The following NCKAP5 variants were observed in gnomAD, a reference collection of about 807,000 sequenced individuals.
NCKAP5 encodes the protein NCK associated protein 5.
In NCKAP5, 92 loss-of-function variants were observed where a neutral mutation model predicts 167.0. That is an observed-to-expected ratio of 0.55 (90% confidence interval 0.47 to 0.66). The LOEUF is 0.66. Among genes scored for constraint, NCKAP5 ranks in the 30% least tolerant of loss-of-function variants. NCKAP5 has a pLI of 0.00. For missense variants in NCKAP5, 2,378 were observed against 2,315.0 expected, an observed-to-expected ratio of 1.03 and a Z score of -0.56; for synonymous variants, 891 against 877.4, an observed-to-expected ratio of 1.02 and a Z score of -0.27.
At chr2:132,696,219 T>G (rs1340359172) in intron 19 of NCKAP5, among the ~76,000 whole-genome samples, 22 of 152,390 alleles carry the variant, frequency 1.4e-4, no homozygotes, top group Non-Finnish European at 1.2e-4. Flanking sequence ...GCTTCTATTT[T>G]GCAGTAAGCA....
At chr2:132,792,893 G>A (rs1684184888) in intron 12 of NCKAP5, among the ~76,000 whole-genome samples, 1 of 152,162 alleles carries the variant, frequency 6.6e-6, no homozygotes, top group Admixed American at 6.5e-5. Flanking sequence ...TTTACCTCCT[G>A]TATAGATGTT....
At chr2:133,635,717 T>G in the NCKAP5 span, among the ~76,000 whole-genome samples, 5 of 152,206 alleles carry the variant, frequency 3.3e-5, no homozygotes, top group African/African-American at 1.2e-4. Context: ...TACAGTCTTG[T>G]GTTCAGAATT....
intron 6 of NCKAP5, among the ~76,000 whole-genome samples, chr2:133,073,204 A>G (rs1466241866): frequency 2.6e-5 from 4 of 152,170 alleles, no homozygotes; most frequent in South Asian, 2.1e-4. Context: ...GGGTGTCTGT[A>G]GGCTAGAGTA....
chr2:133,604,719 A>T, the NCKAP5 span, among the ~76,000 whole-genome samples: 3 of 152,152 alleles, frequency 2.0e-5, no homozygotes, highest in Non-Finnish European at 4.4e-5. Context: ...AGATGGGCTG[A>T]TGGTAACAGC....
intron 11 of NCKAP5, among the ~76,000 whole-genome samples, chr2:132,827,919 C>G (rs1438905787): frequency 1.3e-5 from 2 of 152,142 alleles, no homozygotes; most frequent in African/African-American, 4.8e-5. Flanking sequence ...TGACCCTATA[C>G]CTGCTGGTAG....
intron 6 of NCKAP5, among the ~76,000 whole-genome samples, chr2:133,102,784 C>T (rs1202189265): frequency 6.7e-6 from 1 of 149,308 alleles, no homozygotes; most frequent in Non-Finnish European, 1.5e-5. Flanking sequence ...CACACACACA[C>T]ACACACTGTA....
Position 132,748,873 on chromosome 2 carries a change from T to G in NCKAP5, c.5129-16822A>C, listed in dbSNP as rs530248812. 2.0e-3 allele frequency among the ~76,000 whole-genome samples: 311 copies of G among 152,112 alleles called. 1 individual carries two copies. The highest frequency in any genetic ancestry group is 3.6e-3 in the Non-Finnish European group (243 of 67,988). ...ATCTTGGTTCACTGCAACCTCCGTC[T>G]CCTGGGTTCAAGCAATTCTCCTGTC... On this transcript the variant is annotated intron_variant, in intron 16 of 19. Coordinates refer to ENST00000409261, the MANE Select transcript of NCKAP5 (RefSeq NM_207363.3).
the NCKAP5 span, among the ~76,000 whole-genome samples, chr2:133,574,837 G>A: frequency 2.0e-5 from 3 of 152,080 alleles, no homozygotes; most frequent in East Asian, 5.8e-4. Context: ...CAACAGAAAT[G>A]GCAGAAATTG....
At chr2:133,391,689 C>T (rs1027721533) in intron 3 of NCKAP5, among the ~76,000 whole-genome samples, 2 of 152,154 alleles carry the variant, frequency 1.3e-5, no homozygotes, top group African/African-American at 4.8e-5. Flanking sequence ...CTAATCCAGG[C>T]CCTCACCATT....
chr2:133,187,993 T>G (rs1036118893), intron 5 of NCKAP5, among the ~76,000 whole-genome samples: 3 of 152,098 alleles, frequency 2.0e-5, no homozygotes, highest in African/African-American at 7.2e-5. Context: ...AATATTGTTA[T>G]GTGTGAATTT....
At chr2:133,185,650 T>C (rs2084915577) in intron 5 of NCKAP5, among the ~76,000 whole-genome samples, 1 of 152,042 alleles carries the variant, frequency 6.6e-6, no homozygotes, top group Non-Finnish European at 1.5e-5. Flanking sequence ...TTCATCAGTG[T>C]TTTATAGTTC....
intron 5 of NCKAP5, among the ~76,000 whole-genome samples, chr2:133,165,094 G>T (rs6735052): frequency 0.14 from 21,410 of 152,092 alleles, 1,685 homozygotes; most frequent in East Asian, 0.39. Context: ...GGGAGGAGGT[G>T]ACTGCCATCT....
intron 6 of NCKAP5, among the ~76,000 whole-genome samples, chr2:133,116,090 G>C (rs554424239): frequency 6.6e-6 from 1 of 151,902 alleles, no homozygotes; most frequent in Non-Finnish European, 1.5e-5. Flanking sequence ...AGTAATTCTG[G>C]AAAAGGGCAT....
chr2:132,951,323 G>A (rs1361910200), intron 8 of NCKAP5, among the ~76,000 whole-genome samples: 1 of 151,774 alleles, frequency 6.6e-6, no homozygotes, highest in African/African-American at 2.4e-5. Context: ...AGCCAAGGAT[G>A]TTTAAATCTA....
At chr2:133,187,888 C>G (rs988956262) in intron 5 of NCKAP5, among the ~76,000 whole-genome samples, 2 of 151,984 alleles carry the variant, frequency 1.3e-5, no homozygotes, top group African/African-American at 4.8e-5. Context: ...TGAGATGGGT[C>G]TCCTGAATAC....
At chr2:133,621,377 C>G in the NCKAP5 span, among the ~76,000 whole-genome samples, 2 of 151,864 alleles carry the variant, frequency 1.3e-5, no homozygotes, top group Non-Finnish European at 2.9e-5. Context: ...AGACCATTAG[C>G]GAGGTTAACC....
Position 132,771,839 on chromosome 2 carries a change from ATTTTTTTTTTTTT to A in NCKAP5, c.5128+1964_5128+1976del, listed in dbSNP as rs70973406. Among the ~76,000 whole-genome samples the A allele has an allele frequency of 4.0e-3, 407 of 100,774 alleles. 1 individual carries two copies. Among genetic ancestry groups the A allele is most frequent in the African/African-American group, 0.014 (371 of 25,696 alleles). The allele number at this position is 100,774 out of a possible 152,430, so 66.1% of individuals were successfully genotyped here. On this transcript the variant is annotated intron_variant, in intron 16 of 19. Transcript: ENST00000409261. ...AGGCACCCACAACCACGCCCGGCTAATTTTTTTTTTTTTTTTTTTTTTTTTGTATTTTTAGTAG... is the reference window on the plus strand; with the variant it reads ...AGGCACCCACAACCACGCCCGGCTAATTTTTTTTTTTTGTATTTTTAGTAG...
chr2:133,310,252 C>T (rs566616932), intron 3 of NCKAP5, among the ~76,000 whole-genome samples: 1 of 152,180 alleles, frequency 6.6e-6, no homozygotes, highest in Non-Finnish European at 1.5e-5. Flanking sequence ...TCCGAGGAGA[C>T]TTTTTTAAAT....
intron 8 of NCKAP5, among the ~76,000 whole-genome samples, chr2:132,926,360 T>C (rs1027252058): frequency 6.6e-6 from 1 of 152,218 alleles, no homozygotes; most frequent in African/African-American, 2.4e-5. Context: ...TTTTATATGA[T>C]GATTTATTTT....
Sources: allele counts gnomAD v4.1 joint callset (sites outside exome capture counted in the v4.1 genomes callset), GRCh38; gene constraint gnomAD v4.1.1; transcripts MANE v1.5; gene names NCBI Gene and HGNC (gene_info 2026-07-23, HGNC 2026-07-21).